CATSPER3: variants seen among roughly 807,000 people sequenced by gnomAD.
The protein encoded by CATSPER3 is cation channel sperm-associated protein 3.
A neutral mutation model predicts 36.6 loss-of-function variants in CATSPER3; 23 were observed. The observed-to-expected ratio is 0.63, with a 90% CI of 0.45 to 0.89. The LOEUF (loss-of-function observed/expected upper bound fraction) is 0.89. CATSPER3 is among the 40% of genes least tolerant of loss of function. CATSPER3 has a pLI of 0.00. For synonymous variants in CATSPER3, 172 were observed against 184.1 expected (o/e 0.93, Z 0.53); for missense variants, 474 against 503.9 (o/e 0.94, Z 0.57).
At chr5:134,975,142 G>T (rs542798221) in intron 2 of CATSPER3, 1 of 152,080 alleles carries the variant, frequency 6.6e-6, no homozygotes, top group Non-Finnish European at 1.5e-5. Context: ...TTACAGGGTG[G>T]TGGTACAGCC....
At chr5:134,976,348 AC>A (rs1751674046) in intron 2 of CATSPER3, among the ~76,000 whole-genome samples, 1 of 71,332 alleles carries the variant, frequency 1.4e-5, no homozygotes, top group Non-Finnish European at 2.9e-5. Context: ...ACCCCACCCC[AC>A]CCCACCCCCA....
At chr5:135,001,210 T>C (rs1476695835) in intron 3 of CATSPER3, among the ~76,000 whole-genome samples, 1 of 152,254 alleles carries the variant, frequency 6.6e-6, no homozygotes. Flanking sequence ...TATGTAGTCA[T>C]TCAGGAGCAG....
At chr5:134,992,579 G>A (rs975093237) in intron 2 of CATSPER3, among the ~76,000 whole-genome samples, 2 of 152,092 alleles carry the variant, frequency 1.3e-5, no homozygotes, top group East Asian at 3.9e-4. Flanking sequence ...ACAAAAATTA[G>A]CCAGGTGTGT....
chr5:135,002,217 T>G (rs1230415017), intron 3 of CATSPER3, among the ~76,000 whole-genome samples: 5 of 152,198 alleles, frequency 3.3e-5, no homozygotes, highest in African/African-American at 1.2e-4. Flanking sequence ...CTCCTTCACT[T>G]ATGAAGCTTA....
chr5:134,968,101 C>T lies in CATSPER3; in HGVS notation c.98+12C>T. ...TTCAAGAAATTTAAGTAAATATTATCTATCTCCATTGCCTGTTAAGAAATG... is the reference window on the plus strand; with the variant it reads ...TTCAAGAAATTTAAGTAAATATTATTTATCTCCATTGCCTGTTAAGAAATG... On this transcript the variant is annotated intron_variant, in intron 1 of 7. Transcript: ENST00000282611. The T allele has an allele frequency of 6.5e-7, 1 of 1,549,754 alleles. No homozygotes were observed. The highest frequency in any genetic ancestry group is 8.9e-7 in the Non-Finnish European group (1 of 1,121,486).
rs772260564 is a variant in CATSPER3 at position 134,996,373 on chromosome 5, A to G, written c.353A>G (p.Asp118Gly). ...TGGAAGAACGGCTACAACCTGCTGG[A>G]TGTGATCATTATCATCGTTATGTTT... is the stretch of plus-strand genomic sequence containing the variant. ...NYWKNGYNLL[D>G]VIIIIVMFLP... The change falls in exon 3 of 8, where the codon GAT becomes GGT. Residue 118 changes from aspartate to glycine, a missense_variant. Coordinates refer to ENST00000282611, the MANE Select transcript of CATSPER3 (RefSeq NM_178019.3). 1.2e-6 allele frequency: 2 copies of G among 1,614,132 alleles called. No homozygotes were observed. The highest frequency in any genetic ancestry group is 1.3e-5 in the African/African-American group (1 of 74,942).
At position 135,009,438 on chromosome 5, in the gene CATSPER3, A is replaced by C; in HGVS notation, c.884A>C (p.Gln295Pro). The C allele has an allele frequency of 1.2e-6, 2 of 1,613,302 alleles. No individual in the cohort carries two copies. Among genetic ancestry groups the C allele is most frequent in the Non-Finnish European group, 1.7e-6 (2 of 1,179,526 alleles). Reference protein sequence around the residue: ...EQQEMLMGEKQVILQRQQEEI... With the variant: ...EQQEMLMGEKPVILQRQQEEI... ...CAGGAGATGCTCATGGGAGAGAAGC[A>C]GGTGATTCTGCAGCGGCAGCAGGAG... Residue 295 changes from glutamine to proline, a missense_variant, in exon 6 of 8, where the codon CAG (glutamine) becomes CCG (proline). Transcript: ENST00000282611.
intron 3 of CATSPER3, among the ~76,000 whole-genome samples, chr5:135,005,577 G>A (rs911361522): frequency 1.2e-4 from 18 of 152,146 alleles, no homozygotes; most frequent in African/African-American, 4.3e-4. Flanking sequence ...TGTACCTCTG[G>A]GCTAATTTCT....
intron 3 of CATSPER3, among the ~76,000 whole-genome samples, chr5:135,003,267 G>A (rs527958588): frequency 6.6e-6 from 1 of 152,298 alleles, no homozygotes; most frequent in African/African-American, 2.4e-5. Flanking sequence ...GCAAAACAGC[G>A]AATATTGCAT....
chr5:134,995,454 G>A (rs1371785622), intron 2 of CATSPER3, among the ~76,000 whole-genome samples: 1 of 151,890 alleles, frequency 6.6e-6, no homozygotes, highest in Non-Finnish European at 1.5e-5. Flanking sequence ...CTCCAACCTG[G>A]CGAGTCCCTT....
chr5:134,992,888 A>T (rs938539955), intron 2 of CATSPER3, among the ~76,000 whole-genome samples: 3 of 152,172 alleles, frequency 2.0e-5, no homozygotes, highest in African/African-American at 7.2e-5. Flanking sequence ...CGATCTGGCA[A>T]TTCCACTTCT....
Position 135,011,695 on chromosome 5 carries a change from G to A in CATSPER3, c.*72G>A. ...GGTCCCTATTAAACACAGGCTTTCTGAGTTGTCCTCTCCAGAGTTGCTGTG... is the reference window on the plus strand; with the variant it reads ...GGTCCCTATTAAACACAGGCTTTCTAAGTTGTCCTCTCCAGAGTTGCTGTG... On this transcript the variant is annotated 3_prime_UTR_variant, in exon 8 of 8. Transcript: ENST00000282611. 9.7e-7 allele frequency: 1 copy of A among 1,032,924 alleles called. No homozygotes were observed. The allele number at this position is 1,032,924 out of a possible 1,614,324, so 64.0% of individuals were successfully genotyped here.
intron 2 of CATSPER3, among the ~76,000 whole-genome samples, chr5:134,979,643 A>G (rs185742031): frequency 6.6e-6 from 1 of 152,340 alleles, no homozygotes; most frequent in East Asian, 1.9e-4. Context: ...GGACATACTG[A>G]AGTGTAGGAA....
intron 2 of CATSPER3, among the ~76,000 whole-genome samples, chr5:134,979,416 T>C (rs750081670): frequency 3.3e-5 from 5 of 152,220 alleles, no homozygotes; most frequent in Non-Finnish European, 2.9e-5. Context: ...TGAGCCACCA[T>C]GCACTAACCC....
intron 2 of CATSPER3, among the ~76,000 whole-genome samples, chr5:134,994,657 A>G (rs528595227): frequency 4.1e-4 from 62 of 152,246 alleles, no homozygotes; most frequent in African/African-American, 1.4e-3. Context: ...CTTCCTCAAA[A>G]TCCTCTGAGG....
At position 134,992,490 on chromosome 5, in the gene CATSPER3, C is replaced by T. The variant is rs190557134; in HGVS notation, c.253-3783C>T. 1.5e-3 allele frequency among the ~76,000 whole-genome samples: 234 copies of T among 152,068 alleles called. 2 individuals are homozygous for T. The highest frequency in any genetic ancestry group is 4.6e-3 in the East Asian group (24 of 5,166). Reference sequence around the variant, plus strand: ...CTGTAATCCTAGCACTTTGGAAGGCCGAAGCGGGTGGATCAGTTGAGATCA... The same window carrying T: ...CTGTAATCCTAGCACTTTGGAAGGCTGAAGCGGGTGGATCAGTTGAGATCA... On this transcript the variant is annotated intron_variant, in intron 2 of 7. Transcript: ENST00000282611.
rs1170495046 is a variant in CATSPER3, at chr5:135,009,422, C to T, written c.868C>T (p.Leu290Phe). The T allele has an allele frequency of 6.2e-7, 1 of 1,613,092 alleles. No homozygotes were observed. Among genetic ancestry groups the T allele is most frequent in the East Asian group, 2.2e-5 (1 of 44,874 alleles). ...RELMLEQQEM[L>F]MGEKQVILQR... ...GCTGATGTTGGAGCAGCAGGAGATGCTCATGGGAGAGAAGCAGGTGATTCT... is the reference window on the plus strand; with the variant it reads ...GCTGATGTTGGAGCAGCAGGAGATGTTCATGGGAGAGAAGCAGGTGATTCT... The change falls in exon 6 of 8, where the codon CTC becomes TTC. Residue 290 changes from leucine (L) to phenylalanine (F), a missense_variant. By Grantham distance (22) the Leu-to-Phe change is conservative (BLOSUM62 0). Coordinates refer to ENST00000282611, the MANE Select transcript of CATSPER3 (RefSeq NM_178019.3).
chr5:134,973,747 C>T (rs1232544708), intron 2 of CATSPER3, among the ~76,000 whole-genome samples: 1 of 152,176 alleles, frequency 6.6e-6, no homozygotes. Flanking sequence ...GGTTTTACTA[C>T]TGGCCAAAGA....
intron 1 of CATSPER3, chr5:134,969,141 G>A (rs1012515019): frequency 1.3e-5 from 2 of 152,164 alleles, no homozygotes; most frequent in African/African-American, 4.8e-5. Context: ...TGTTTAAGTT[G>A]TTTTCAAGCT....
Sources: gnomAD v4.1 joint callset for allele counts (sites outside exome capture counted in the v4.1 genomes callset) on GRCh38, gnomAD v4.1.1 for gene constraint, MANE v1.5 for transcripts, NCBI Gene and HGNC (gene_info 2026-07-23, HGNC 2026-07-21) for gene names.